The following JARID2 variants were observed in gnomAD, a reference collection of about 807,000 sequenced individuals.
JARID2 encodes the protein protein Jumonji.
Under a neutral mutation model 125.6 loss-of-function variants are expected in JARID2, and 21 were observed. That is an observed-to-expected ratio of 0.17 (90% CI 0.12 to 0.24). The LOEUF is 0.24. JARID2 is among the 10% of genes least tolerant of loss of function. The pLI is 1.00. For missense variants in JARID2, 1,303 were observed against 1,639.6 expected, an observed-to-expected ratio of 0.79 and a Z score of 3.55; for synonymous variants, 736 against 661.6, an observed-to-expected ratio of 1.11 and a Z score of -1.73.
At chr6:15,503,423 G>T (rs1033202221) in intron 8 of JARID2, among the ~76,000 whole-genome samples, 2 of 152,200 alleles carry the variant, frequency 1.3e-5, no homozygotes, top group African/African-American at 4.8e-5. Flanking sequence ...TGCCGACTAC[G>T]ACTGTGGACC....
At chr6:15,512,638 T>A (rs759407122) in intron 14 of JARID2, among the ~76,000 whole-genome samples, 2 of 152,140 alleles carry the variant, frequency 1.3e-5, no homozygotes, top group Non-Finnish European at 2.9e-5. Context: ...ATTGGAAAAC[T>A]GTTGAAGATG....
At chr6:15,462,671 G>A (rs572993232) in intron 4 of JARID2, among the ~76,000 whole-genome samples, 3 of 152,318 alleles carry the variant, frequency 2.0e-5, no homozygotes, top group South Asian at 2.1e-4. Context: ...ATTGGGTCAA[G>A]CAATAGAATT....
At chr6:15,288,665 T>G (rs181162486) in intron 1 of JARID2, among the ~76,000 whole-genome samples, 33 of 152,374 alleles carry the variant, frequency 2.2e-4, no homozygotes, top group African/African-American at 7.0e-4. Context: ...GCCAGTATGT[T>G]TCACATGTAT....
intron 1 of JARID2, among the ~76,000 whole-genome samples, chr6:15,369,684 C>T (rs76843906): frequency 0.014 from 2,108 of 152,266 alleles, 30 homozygotes; most frequent in African/African-American, 0.035. Flanking sequence ...ATTATTGGAT[C>T]TAGAGGGTCG....
In JARID2 at chr6:15,246,474, A is replaced by G; in HGVS notation, c.-66A>G. On this transcript the variant is annotated 5_prime_UTR_variant, in exon 1 of 18. Coordinates refer to ENST00000341776, the MANE Select transcript of JARID2 (RefSeq NM_004973.4). ...AAAACCACCAGGATATTTTTTTGCA[A>G]ATTTCTGACGGCTTTAAATTCATGA... 1 of 1,469,238 alleles carries G rather than the reference A, an allele frequency of 6.8e-7. No homozygotes were observed. Among genetic ancestry groups the G allele is most frequent in the Non-Finnish European group, 9.4e-7 (1 of 1,059,378 alleles). 91.0% of individuals were successfully genotyped at this position (1,469,238 alleles called of 1,614,324 possible).
chr6:15,432,300 C>T (rs768713894), intron 3 of JARID2, among the ~76,000 whole-genome samples: 6 of 152,030 alleles, frequency 3.9e-5, no homozygotes, highest in Non-Finnish European at 7.4e-5. Context: ...TGGTGGCTCA[C>T]GCCTATAATC....
At chr6:15,438,893 A>G (rs1220436892) in intron 3 of JARID2, among the ~76,000 whole-genome samples, 1 of 152,118 alleles carries the variant, frequency 6.6e-6, no homozygotes. Flanking sequence ...TTAGCCAGGC[A>G]TGGTGTTGGG....
chr6:15,348,838 T>C (rs1763333551), intron 1 of JARID2, among the ~76,000 whole-genome samples: 1 of 152,222 alleles, frequency 6.6e-6, no homozygotes, highest in South Asian at 2.1e-4. Flanking sequence ...TGGTTGCTAT[T>C]TTCTACCTCT....
intron 1 of JARID2, among the ~76,000 whole-genome samples, chr6:15,359,268 C>G (rs1036737483): frequency 6.6e-6 from 1 of 152,178 alleles, no homozygotes; most frequent in South Asian, 2.1e-4. Flanking sequence ...CCCTGCAAGT[C>G]GTAGGGTTTA....
chr6:15,515,194 C>T (rs573327022), intron 16 of JARID2, among the ~76,000 whole-genome samples: 3 of 152,104 alleles, frequency 2.0e-5, no homozygotes, highest in African/African-American at 7.2e-5. Flanking sequence ...TGTACCACCA[C>T]GCCTGGTTAA....
intron 1 of JARID2, among the ~76,000 whole-genome samples, chr6:15,279,738 T>G (rs1760679067): frequency 6.6e-6 from 1 of 152,226 alleles, no homozygotes; most frequent in Admixed American, 6.5e-5. Context: ...GTTGTCATAG[T>G]TTTCTTTCTT....
chr6:15,301,174 A>G (rs1026189820), intron 1 of JARID2, among the ~76,000 whole-genome samples: 3 of 152,262 alleles, frequency 2.0e-5, no homozygotes, highest in African/African-American at 7.2e-5. Flanking sequence ...AGCAAGGGCC[A>G]CATAAAGAGG....
At chr6:15,373,981 T>C in intron 1 of JARID2, 136 bp from the exon 2 acceptor site, 1 of 931,136 alleles carries the variant, frequency 1.1e-6, no homozygotes. Context: ...CTTATGGGTG[T>C]AATTCTGACA....
chr6:15,331,133 G>A (rs1022696691), intron 1 of JARID2, among the ~76,000 whole-genome samples: 3 of 152,040 alleles, frequency 2.0e-5, no homozygotes, highest in African/African-American at 7.2e-5. Context: ...GAGCCCAGGA[G>A]ACTAGCCTGG....
chr6:15,421,286 A>G (rs1766478274), intron 3 of JARID2, among the ~76,000 whole-genome samples: 1 of 152,084 alleles, frequency 6.6e-6, no homozygotes. Flanking sequence ...AATCCTGTCT[A>G]GCTTCACTAA....
chr6:15,453,150 C>G (rs1283704561), intron 4 of JARID2, among the ~76,000 whole-genome samples: 2 of 152,174 alleles, frequency 1.3e-5, no homozygotes, highest in South Asian at 4.1e-4. Context: ...CACAGTGATA[C>G]GTGGCCCCCA....
intron 1 of JARID2, among the ~76,000 whole-genome samples, chr6:15,364,757 T>G (rs1379494887): frequency 6.6e-6 from 1 of 152,188 alleles, no homozygotes; most frequent in East Asian, 1.9e-4. Flanking sequence ...CCTATCCAAT[T>G]TAATGCAGAT....
chr6:15,291,980 T>C (rs1158965475), intron 1 of JARID2, among the ~76,000 whole-genome samples: 1 of 152,158 alleles, frequency 6.6e-6, no homozygotes, highest in Admixed American at 6.5e-5. Context: ...CTGAAACAAA[T>C]GCCCTTCGAT....
At chr6:15,488,468 TC>T (rs771447043) in intron 6 of JARID2, among the ~76,000 whole-genome samples, 1 of 152,162 alleles carries the variant, frequency 6.6e-6, no homozygotes, top group Non-Finnish European at 1.5e-5. Flanking sequence ...GTTAAAATCT[TC>T]CCTAGAAGAG....
Sources: allele counts gnomAD v4.1 joint callset (sites outside exome capture counted in the v4.1 genomes callset), GRCh38; gene constraint gnomAD v4.1.1; transcripts MANE v1.5; gene names NCBI Gene and HGNC (gene_info 2026-07-23, HGNC 2026-07-21).